Variants in RANBP2 observed in about 807,000 individuals in gnomAD.
RANBP2 encodes the protein RAN binding protein 2.
A neutral mutation model predicts 303.6 loss-of-function variants in RANBP2; 57 were observed. That is an observed-to-expected ratio of 0.19 (90% CI 0.15 to 0.23). The LOEUF (loss-of-function observed/expected upper bound fraction) is 0.23, where lower values mean the gene tolerates loss of function less well. RANBP2 is among the 10% of genes least tolerant of loss of function. RANBP2 has a pLI of 1.00. For synonymous variants in RANBP2, 1,167 were observed against 1,301.5 expected (o/e 0.90, Z 2.23); for missense variants, 3,138 against 3,780.8 (o/e 0.83, Z 4.46).
At chr2:109,215,820 C>T in the RANBP2 span, among the ~76,000 whole-genome samples, 4 of 152,104 alleles carry the variant, frequency 2.6e-5, no homozygotes, top group African/African-American at 4.8e-5. Flanking sequence ...TCAGGTTGCA[C>T]GAGTTTGTTC....
chr2:109,405,463 C>T, the RANBP2 span, among the ~76,000 whole-genome samples: 2 of 152,146 alleles, frequency 1.3e-5, no homozygotes, highest in Non-Finnish European at 2.9e-5. Context: ...GCAGCACTGT[C>T]CATTCCCGTG....
At chr2:109,662,370 T>A in the RANBP2 span, among the ~76,000 whole-genome samples, 3 of 152,286 alleles carry the variant, frequency 2.0e-5, no homozygotes, top group South Asian at 6.2e-4. Context: ...CACTACAACC[T>A]CTGCCTCCCA....
At chr2:109,433,999 CGAA>C in the RANBP2 span, among the ~76,000 whole-genome samples, 1,455 of 152,292 alleles carry the variant, frequency 9.6e-3, 29 homozygotes, top group African/African-American at 0.033. Context: ...TGCGCAGCCC[CGAA>C]GAAGGTCTCT....
chr2:109,149,486 G>T, the RANBP2 span, among the ~76,000 whole-genome samples: 4 of 152,204 alleles, frequency 2.6e-5, no homozygotes. Context: ...CAGATGAATG[G>T]CTTCAAAGGA....
At chr2:108,813,152 G>A in the RANBP2 span, among the ~76,000 whole-genome samples, 1 of 145,334 alleles carries the variant, frequency 6.9e-6, no homozygotes, top group East Asian at 2.1e-4. Flanking sequence ...GAGAGGCTGA[G>A]GCAGGAGAAT....
At chr2:109,517,680 C>T in the RANBP2 span, among the ~76,000 whole-genome samples, 1 of 152,222 alleles carries the variant, frequency 6.6e-6, no homozygotes, top group Admixed American at 6.5e-5. Context: ...CTTTACTGCT[C>T]CGTCCTGGGC....
the RANBP2 span, among the ~76,000 whole-genome samples, chr2:109,132,733 G>C: frequency 7.2e-5 from 11 of 152,318 alleles, no homozygotes; most frequent in East Asian, 2.1e-3. Flanking sequence ...AGTTGCTAAT[G>C]TATGCTAAAT....
the RANBP2 span, among the ~76,000 whole-genome samples, chr2:109,091,009 C>T: frequency 1.3e-5 from 2 of 152,050 alleles, no homozygotes; most frequent in African/African-American, 4.8e-5. Context: ...TCATCATGGA[C>T]CTTTTGCATT....
chr2:109,702,014 TG>T, the RANBP2 span, among the ~76,000 whole-genome samples: 1 of 152,242 alleles, frequency 6.6e-6, no homozygotes, highest in African/African-American at 2.4e-5. Flanking sequence ...TGGTTTGACC[TG>T]AGGGATCCCC....
At chr2:109,053,889 C>A in the RANBP2 span, among the ~76,000 whole-genome samples, 1 of 152,130 alleles carries the variant, frequency 6.6e-6, no homozygotes, top group Non-Finnish European at 1.5e-5. Context: ...CACCGGCTCA[C>A]AGGCCCCACC....
chr2:108,729,600 A>T (rs1695005657), intron 2 of RANBP2, among the ~76,000 whole-genome samples: 1 of 152,174 alleles, frequency 6.6e-6, no homozygotes, highest in African/African-American at 2.4e-5. Flanking sequence ...TGTATAAAAG[A>T]TGTTTAATTG....
chr2:108,908,058 G>A, the RANBP2 span: 1 of 1,571,598 alleles, frequency 6.4e-7, no homozygotes, highest in Non-Finnish European at 8.7e-7. Context: ...CAGTGCCTGG[G>A]GGGGCTGCAG....
chr2:109,337,994 A>G, the RANBP2 span, among the ~76,000 whole-genome samples: 1 of 151,954 alleles, frequency 6.6e-6, no homozygotes. Context: ...GGCCTCCCAA[A>G]GTGTTGGGAT....
chr2:108,955,637 C>T, the RANBP2 span, among the ~76,000 whole-genome samples: 1 of 149,820 alleles, frequency 6.7e-6, no homozygotes. Context: ...GCCCAGGAGG[C>T]GGAGGTTGCA....
At chr2:109,200,484 T>C in the RANBP2 span, among the ~76,000 whole-genome samples, 1 of 152,170 alleles carries the variant, frequency 6.6e-6, no homozygotes, top group African/African-American at 2.4e-5. Flanking sequence ...TGTAGTCCCC[T>C]GTGTCCTGCT....
chr2:109,385,580 G>T, the RANBP2 span, among the ~76,000 whole-genome samples: 1 of 152,248 alleles, frequency 6.6e-6, no homozygotes, highest in Non-Finnish European at 1.5e-5. Flanking sequence ...AAAGGAGCCT[G>T]TTTGAAATAA....
chr2:109,477,577 A>G, the RANBP2 span, among the ~76,000 whole-genome samples: 1 of 151,902 alleles, frequency 6.6e-6, no homozygotes, highest in Non-Finnish European at 1.5e-5. Context: ...CGCCTGTTGT[A>G]GTCCCTTGAG....
chr2:108,960,537 G>C, the RANBP2 span, among the ~76,000 whole-genome samples: 1 of 152,192 alleles, frequency 6.6e-6, no homozygotes, highest in Admixed American at 6.5e-5. Context: ...CTGCTGCCCC[G>C]TCAGCCAGCA....
At chr2:109,704,646 T>C in the RANBP2 span, among the ~76,000 whole-genome samples, 1 of 152,040 alleles carries the variant, frequency 6.6e-6, no homozygotes, top group Admixed American at 6.6e-5. Flanking sequence ...GGTCAGGAGT[T>C]CGAGAACAGC....
Sources: allele counts gnomAD v4.1 joint callset (sites outside exome capture counted in the v4.1 genomes callset), GRCh38; gene constraint gnomAD v4.1.1; transcripts MANE v1.5; gene names NCBI Gene and HGNC (gene_info 2026-07-23, HGNC 2026-07-21).